BRI3: variants seen among roughly 807,000 people sequenced by gnomAD.
BRI3 encodes brain protein I3, also known as membrane protein BRI3.
BRI3 carries 6 observed loss-of-function variants against 12.8 expected under a neutral mutation model. That is an observed-to-expected ratio of 0.47 (90% CI 0.26 to 0.93). The LOEUF (loss-of-function observed/expected upper bound fraction) is 0.93, where lower values mean the gene tolerates loss of function less well. BRI3 is among the 40% of genes least tolerant of loss of function. The pLI, the probability that BRI3 is intolerant of heterozygous loss-of-function variation, is 0.15. For missense variants in BRI3, 134 were observed against 171.1 expected, an observed-to-expected ratio of 0.78 and a Z score of 1.21; for synonymous variants, 91 against 76.1, an observed-to-expected ratio of 1.20 and a Z score of -1.02.
downstream of BRI3, among the ~76,000 whole-genome samples, chr7:98,312,744 A>C (rs1800917807): frequency 1.2e-5 from 1 of 82,548 alleles, no homozygotes; most frequent in Non-Finnish European, 2.6e-5. Context: ...GAGTCTGTCT[A>C]TGGGGAAGAG....
At chr7:98,292,479 C>T (rs1215945692), downstream of BRI3, 19 of 698,672 alleles carry the variant, frequency 2.7e-5, no homozygotes, top group Non-Finnish European at 2.4e-5. Flanking sequence ...GAATTTTAAC[C>T]ATGACTCTCC....
intron 2 of BRI3, among the ~76,000 whole-genome samples, chr7:98,289,009 A>G (rs4075058): frequency 0.12 from 18,173 of 151,938 alleles, 1,363 homozygotes; most frequent in South Asian, 0.24. Flanking sequence ...TGCCCAGGCT[A>G]GAGTGCAGTG....
upstream of BRI3, among the ~76,000 whole-genome samples, chr7:98,302,468 G>C (rs769014384): frequency 6.6e-6 from 1 of 152,140 alleles, no homozygotes; most frequent in East Asian, 1.9e-4. Flanking sequence ...ACGTCCACAC[G>C]TGCCTCCTCA....
upstream of BRI3, chr7:98,304,082 C>G: frequency 8.7e-7 from 1 of 1,145,766 alleles, no homozygotes; most frequent in Non-Finnish European, 1.2e-6. Context: ...TCCCCGGGGA[C>G]ACCACTCTCC....
the BRI3 span, among the ~76,000 whole-genome samples, chr7:98,321,346 T>C: frequency 6.6e-6 from 1 of 152,186 alleles, no homozygotes; most frequent in Non-Finnish European, 1.5e-5. Context: ...AGATAAAGGC[T>C]ATTTCTTTTT....
At chr7:98,315,626 A>G in the BRI3 span, 1 of 1,077,250 alleles carries the variant, frequency 9.3e-7, no homozygotes, top group African/African-American at 1.9e-5. Context: ...AAAAAAAAAA[A>G]ATAATAATAA....
the BRI3 span, among the ~76,000 whole-genome samples, chr7:98,315,890 C>T: frequency 1.3e-5 from 2 of 152,164 alleles, no homozygotes; most frequent in South Asian, 4.1e-4. Context: ...GAGATATGAT[C>T]GTGTCCTACT....
chr7:98,304,198 G>C, upstream of BRI3: 3 of 1,586,992 alleles, frequency 1.9e-6, no homozygotes, highest in Non-Finnish European at 1.7e-6. Context: ...TTACTCACAG[G>C]AGCCGCGGTC....
At chr7:98,310,565 T>C (rs750421796), downstream of BRI3, 13 of 1,591,842 alleles carry the variant, frequency 8.2e-6, no homozygotes, top group Non-Finnish European at 1.1e-5. Context: ...GGTGAGCATT[T>C]AGAAAGGGTG....
chr7:98,286,836 A>G (rs1799724505), intron 2 of BRI3, among the ~76,000 whole-genome samples: 1 of 152,270 alleles, frequency 6.6e-6, no homozygotes, highest in Non-Finnish European at 1.5e-5. Context: ...ACGACTATAA[A>G]TAGCCACACA....
At chr7:98,294,406 G>C (rs1307985294), downstream of BRI3, among the ~76,000 whole-genome samples, 4 of 152,202 alleles carry the variant, frequency 2.6e-5, no homozygotes, top group South Asian at 6.2e-4. Context: ...GGAAGAATAA[G>C]GCAAGAACAG....
downstream of BRI3, among the ~76,000 whole-genome samples, chr7:98,313,792 C>CTCTT (rs1179300343): frequency 2.0e-4 from 27 of 132,976 alleles, 1 homozygote; most frequent in African/African-American, 7.1e-4. Flanking sequence ...CTAATTAAAA[C>CTCTT]TTTTTTTTTT....
At chr7:98,317,098 C>T in the BRI3 span, 1 of 1,264,492 alleles carries the variant, frequency 7.9e-7, no homozygotes, top group South Asian at 1.3e-5. Context: ...TATGATCCTA[C>T]TGCCTCGGCC....
chr7:98,300,290 G>A (rs183186288), intron 1 of BRI3, among the ~76,000 whole-genome samples: 15 of 152,288 alleles, frequency 9.8e-5, no homozygotes, highest in Admixed American at 8.5e-4. Context: ...CGCCCTTGGA[G>A]CAGCACCAAT....
Position 98,291,252 on chromosome 7 carries a change from C to G in BRI3, c.*9C>G. ...GAGCCACCTTCGCTTAAAGGGAACA[C>G]CAGGCCCGGCTTTCCTACACCCAGC... On this transcript the variant is annotated 3_prime_UTR_variant, in exon 3 of 3. Coordinates refer to ENST00000297290, the MANE Select transcript of BRI3 (RefSeq NM_015379.5). 3.1e-6 allele frequency: 5 copies of G among 1,612,624 alleles called. No individual in the cohort carries two copies. Among genetic ancestry groups the G allele is most frequent in the South Asian group, 2.2e-5 (2 of 91,018 alleles).
At chr7:98,313,997 T>C (rs1318149380), downstream of BRI3, among the ~76,000 whole-genome samples, 3 of 146,466 alleles carry the variant, frequency 2.0e-5, no homozygotes, top group Non-Finnish European at 4.5e-5. Flanking sequence ...TTTTTTTTTT[T>C]TTTTTTGAGA....
At chr7:98,309,046 C>T (rs1441072972) in exon 2 of BRI3, 1 of 152,058 alleles carries the variant, frequency 6.6e-6, no homozygotes, top group Non-Finnish European at 1.5e-5. Flanking sequence ...TAAAACAATG[C>T]AAGATCTCTT....
chr7:98,301,279 G>T (rs971125539), intron 1 of BRI3, among the ~76,000 whole-genome samples: 1 of 152,176 alleles, frequency 6.6e-6, no homozygotes, highest in Admixed American at 6.5e-5. Context: ...CCTTCTCATC[G>T]ATTTCAGTGA....
rs548800173 is a variant in BRI3 at position 98,300,249 on chromosome 7, A to T, written c.72-6234A>T. On this transcript the variant is annotated intron_variant and NMD_transcript_variant, in intron 1 of 2. Transcript: ENST00000491463. Reference sequence around the variant, plus strand: ...AGGCTGTGAGGCCAGGAGGCCCAGAACACACAGCCATTCCCCCTGCTCCCT... The same window carrying T: ...AGGCTGTGAGGCCAGGAGGCCCAGATCACACAGCCATTCCCCCTGCTCCCT... Among the ~76,000 whole-genome samples, 3 of 64,416 alleles carry T rather than the reference A, an allele frequency of 4.7e-5. No homozygotes were observed. In the East Asian group the frequency reaches 1.3e-3, roughly 27 times the overall value. 42.3% of individuals were successfully genotyped at this position (64,416 alleles called of 152,430 possible). A position where few individuals can be genotyped will look rare whatever the true frequency, so the allele number is the denominator to read the frequency against.
Sources: allele counts gnomAD v4.1 joint callset (sites outside exome capture counted in the v4.1 genomes callset), GRCh38; gene constraint gnomAD v4.1.1; transcripts MANE v1.5; gene names NCBI Gene and HGNC (gene_info 2026-07-23, HGNC 2026-07-21).